The following NRG1 variants were observed in gnomAD, a reference collection of about 807,000 sequenced individuals.
NRG1 encodes pro-neuregulin-1, membrane-bound isoform.
In NRG1, 18 loss-of-function variants were observed where a neutral mutation model predicts 63.8. That is an observed-to-expected ratio of 0.28 (90% CI 0.19 to 0.42). The LOEUF is 0.42. Among genes scored for constraint, NRG1 ranks in the 10% least tolerant of loss-of-function variants. The pLI, the probability that NRG1 is intolerant of heterozygous loss-of-function variation, is 1.00. For missense variants in NRG1, 762 were observed against 814.7 expected (o/e 0.94, Z 0.79); for synonymous variants, 302 against 301.3 (o/e 1.00, Z -0.02).
At chr8:32,112,356 G>A (rs72612103) in intron 1 of NRG1, among the ~76,000 whole-genome samples, 22,778 of 152,176 alleles carry the variant, frequency 0.15, 2,920 homozygotes, top group East Asian at 0.34. Context: ...GTCTGAAGCC[G>A]TGAGGCTGGA....
chr8:32,333,311 T>A (rs978122983), intron 1 of NRG1, among the ~76,000 whole-genome samples: 1 of 152,166 alleles, frequency 6.6e-6, no homozygotes, highest in Non-Finnish European at 1.5e-5. Flanking sequence ...AGCCCTAATT[T>A]ATTTTTTTCA....
intron 1 of NRG1, among the ~76,000 whole-genome samples, chr8:32,200,745 C>T (rs770866522): frequency 2.0e-5 from 3 of 152,198 alleles, no homozygotes; most frequent in East Asian, 1.9e-4. Flanking sequence ...AGTCCCTCCT[C>T]GGCATGTAGA....
rs1554511693 is a variant in NRG1, at chr8:32,337,682, A to AAAAAAAAAAAAAAAAAAAAAT, written c.38-258146_38-258145insAAAAAAAAAAAAAAAAAAAAT. Among the ~76,000 whole-genome samples, 16 of 116,698 alleles carry AAAAAAAAAAAAAAAAAAAAAT rather than the reference A, an allele frequency of 1.4e-4. 2 individuals are homozygous for AAAAAAAAAAAAAAAAAAAAAT. Among genetic ancestry groups the AAAAAAAAAAAAAAAAAAAAAT allele is most frequent in the Non-Finnish European group, 2.5e-4 (13 of 52,588 alleles). The allele number at this position is 116,698 out of a possible 152,430, so 76.6% of individuals were successfully genotyped here. ...AAAAAAAAAAAAAAAAAAAAAAAAA[A>AAAAAAAAAAAAAAAAAAAAAT]GCTGATGCAGTTAGGAAAGGGAAGC... On this transcript the variant is annotated intron_variant, in intron 1 of 10. Coordinates refer to the NRG1 transcript ENST00000519301.
chr8:31,920,896 A>G (rs5028002), intron 1 of NRG1, among the ~76,000 whole-genome samples: 5 of 91,572 alleles, frequency 5.5e-5, no homozygotes, highest in African/African-American at 1.5e-4. Context: ...AGATAGATAG[A>G]TAGATAGATA....
At chr8:31,668,025 A>C (rs556081224) in intron 1 of NRG1, among the ~76,000 whole-genome samples, 1 of 152,330 alleles carries the variant, frequency 6.6e-6, no homozygotes, top group African/African-American at 2.4e-5. Flanking sequence ...TTAATTTCTG[A>C]TTCTTCTATT....
intron 1 of NRG1, among the ~76,000 whole-genome samples, chr8:31,911,459 T>C (rs559102266): frequency 2.0e-5 from 3 of 152,254 alleles, no homozygotes; most frequent in South Asian, 2.1e-4. Flanking sequence ...CTGGAGGCCA[T>C]TGACCTTACC....
intron 1 of NRG1, among the ~76,000 whole-genome samples, chr8:32,101,802 T>A (rs2169587): frequency 0.88 from 133,815 of 152,206 alleles, 59,602 homozygotes; most frequent in Middle Eastern, 0.97. Flanking sequence ...AAATGCCCTA[T>A]TGTGCATCTT....
At position 32,366,677 on chromosome 8, in the gene NRG1, G is replaced by GTATATATATATA. The variant is rs71208175; in HGVS notation, c.38-229125_38-229114dup. 9.8e-3 allele frequency among the ~76,000 whole-genome samples: 853 copies of GTATATATATATA among 86,972 alleles called. 11 individuals carry two copies. Among genetic ancestry groups the GTATATATATATA allele is most frequent in the Non-Finnish European group, 0.015 (647 of 44,394 alleles). The allele number at this position is 86,972 out of a possible 152,430, so 57.1% of individuals were successfully genotyped here. ...ATTGTGTGTGTGTGTGTGTGTGTGT[G>GTATATATATATA]TATATATATATATATATATATATAT... is the stretch of plus-strand genomic sequence containing the variant. On this transcript the variant is annotated intron_variant, in intron 1 of 10. Transcript: ENST00000519301.
At chr8:31,742,235 G>A (rs1815350099) in intron 1 of NRG1, among the ~76,000 whole-genome samples, 1 of 151,760 alleles carries the variant, frequency 6.6e-6, no homozygotes, top group African/African-American at 2.4e-5. Flanking sequence ...CAGAATAATG[G>A]TCACCTGTGG....
chr8:32,218,152 A>G (rs765506137), intron 1 of NRG1, among the ~76,000 whole-genome samples: 25 of 152,186 alleles, frequency 1.6e-4, no homozygotes, highest in Non-Finnish European at 3.4e-4. Flanking sequence ...GTCTCCTTAC[A>G]TATTTTAAGT....
intron 1 of NRG1, among the ~76,000 whole-genome samples, chr8:31,898,282 A>T (rs931803860): frequency 6.6e-6 from 1 of 152,170 alleles, no homozygotes; most frequent in Non-Finnish European, 1.5e-5. Flanking sequence ...AAATATTAAG[A>T]GTTTGACTCT....
intron 1 of NRG1, among the ~76,000 whole-genome samples, chr8:32,508,883 C>T (rs1828848408): frequency 6.6e-6 from 1 of 151,656 alleles, no homozygotes; most frequent in Admixed American, 6.6e-5. Context: ...TATAGGCACA[C>T]ACCACCATGC....
At chr8:32,172,903 TC>T (rs1563869079) in intron 1 of NRG1, among the ~76,000 whole-genome samples, 1 of 152,190 alleles carries the variant, frequency 6.6e-6, no homozygotes, top group Non-Finnish European at 1.5e-5. Context: ...GGAACCAAGT[TC>T]GAAAACACTC....
At chr8:32,045,445 AC>A (rs534784759) in intron 1 of NRG1, among the ~76,000 whole-genome samples, 95 of 152,086 alleles carry the variant, frequency 6.2e-4, no homozygotes, top group African/African-American at 2.2e-3. Flanking sequence ...AGTCAAAATC[AC>A]AGTAGAATAT....
In NRG1 at chr8:31,768,068, A is replaced by G. The variant is rs1317550399; in HGVS notation, c.37+128637A>G. On this transcript the variant is annotated intron_variant, in intron 1 of 10. Transcript: ENST00000519301. ...TGCAGGGCTGGAGTATCTTCTTAGGATATACTTTCATCACAACAGATAACC... is the reference window on the plus strand; with the variant it reads ...TGCAGGGCTGGAGTATCTTCTTAGGGTATACTTTCATCACAACAGATAACC... 3.9e-5 allele frequency among the ~76,000 whole-genome samples: 6 copies of G among 152,082 alleles called. No homozygotes were observed. The East Asian group carries it at 7.7e-4, about 20-fold the overall frequency.
chr8:32,621,012 G>A (rs1010237549), intron 5 of NRG1, among the ~76,000 whole-genome samples: 1 of 151,974 alleles, frequency 6.6e-6, no homozygotes, highest in Non-Finnish European at 1.5e-5. Context: ...TTGACTGGAG[G>A]TTTTTAAGGG....
chr8:32,773,576 A>C (rs1263378622), intron 7 of NRG1, among the ~76,000 whole-genome samples: 2 of 152,114 alleles, frequency 1.3e-5, no homozygotes, highest in Admixed American at 1.3e-4. Context: ...TGATTGTACC[A>C]CTGACAGGTC....
rs1247373758 is a variant in NRG1 at position 32,548,836 on chromosome 8, C to T, written c.100+10C>T. On this transcript the variant is annotated intron_variant, in intron 1 of 11. Transcript: ENST00000356819. ...GGCAGCCAGAGCCCAGGTGGGTGCG[C>T]AGCGCGGCCCGGGCCCCACGATCCT... 1.3e-6 allele frequency: 2 copies of T among 1,553,230 alleles called. No individual in the cohort carries two copies. Among genetic ancestry groups the T allele is most frequent in the South Asian group, 1.2e-5 (1 of 84,214 alleles).
intron 1 of NRG1, among the ~76,000 whole-genome samples, chr8:32,395,179 G>A (rs1300021907): frequency 1.3e-5 from 2 of 152,150 alleles, no homozygotes; most frequent in South Asian, 2.1e-4. Flanking sequence ...GAGCTTATGA[G>A]CTAATGCAGG....
Sources: gnomAD v4.1 joint callset for allele counts (sites outside exome capture counted in the v4.1 genomes callset) on GRCh38, gnomAD v4.1.1 for gene constraint, MANE v1.5 for transcripts, NCBI Gene and HGNC (gene_info 2026-07-23, HGNC 2026-07-21) for gene names.